The following CADPS2 variants were observed in gnomAD, a reference collection of about 807,000 sequenced individuals.
The protein encoded by CADPS2 is calcium dependent secretion activator 2.
Under a neutral mutation model 172.5 loss-of-function variants are expected in CADPS2, and 93 were observed. The ratio of observed to expected loss-of-function variants is 0.54; its 90% CI spans 0.46 to 0.64. The LOEUF (loss-of-function observed/expected upper bound fraction) is 0.64. CADPS2 is among the 30% of genes least tolerant of loss of function. The pLI, the probability that CADPS2 is intolerant of heterozygous loss-of-function variation, is 0.00. For synonymous variants in CADPS2, 546 were observed against 555.2 expected (o/e 0.98, Z 0.23); for missense variants, 1,420 against 1,565.9 (o/e 0.91, Z 1.57).
At chr7:122,364,343 A>G (rs967775688) in intron 25 of CADPS2, among the ~76,000 whole-genome samples, 2 of 150,424 alleles carry the variant, frequency 1.3e-5, no homozygotes, top group African/African-American at 2.5e-5. Context: ...CAGGAGTTCA[A>G]GGCTAAACTG....
intron 8 of CADPS2, among the ~76,000 whole-genome samples, chr7:122,546,837 T>C (rs1455945379): frequency 6.6e-6 from 1 of 152,152 alleles, no homozygotes; most frequent in Non-Finnish European, 1.5e-5. Context: ...ATTAAAACAC[T>C]GGTTCCTTGT....
At position 122,559,877 on chromosome 7, in the gene CADPS2, T is replaced by C. The variant is rs2065522892; in HGVS notation, c.1336-5188A>G. Among the ~76,000 whole-genome samples the C allele has an allele frequency of 5.3e-5, 8 of 151,370 alleles. No homozygotes were observed. In the South Asian group the frequency reaches 1.5e-3, roughly 28 times the overall value. On this transcript the variant is annotated intron_variant, in intron 7 of 29. Coordinates refer to ENST00000449022, the MANE Select transcript of CADPS2 (RefSeq NM_017954.11). ...AGGAAAAGGGACAAGACTCTATAAC[T>C]GAGACCAGTCACCAAGGAGGCAGAA... is the stretch of plus-strand genomic sequence containing the variant.
intron 25 of CADPS2, among the ~76,000 whole-genome samples, chr7:122,361,675 T>C (rs536598685): frequency 1.3e-5 from 2 of 152,348 alleles, no homozygotes; most frequent in South Asian, 4.1e-4. Context: ...TCAATGTGGA[T>C]GTTAAGAAAC....
chr7:122,766,174 A>C (rs1589074325), intron 1 of CADPS2, among the ~76,000 whole-genome samples: 1 of 152,218 alleles, frequency 6.6e-6, no homozygotes, highest in East Asian at 1.9e-4. Context: ...AGAGAAAATG[A>C]ACTCACTACT....
intron 2 of CADPS2, among the ~76,000 whole-genome samples, chr7:122,687,658 A>G (rs954021237): frequency 3.3e-5 from 5 of 152,216 alleles, no homozygotes; most frequent in African/African-American, 1.2e-4. Flanking sequence ...ATTATAGCTA[A>G]GATTATTACC....
intron 8 of CADPS2, among the ~76,000 whole-genome samples, chr7:122,515,179 G>A (rs2060265961): frequency 6.6e-6 from 1 of 152,104 alleles, no homozygotes; most frequent in South Asian, 2.1e-4. Flanking sequence ...CTTCTATTCA[G>A]CATTTATGAT....
chr7:122,559,927 A>C (rs2065527173), intron 7 of CADPS2, among the ~76,000 whole-genome samples: 1 of 152,012 alleles, frequency 6.6e-6, no homozygotes, highest in Non-Finnish European at 1.5e-5. Context: ...GTGATGTACC[A>C]AATTTAAGGG....
At chr7:122,464,830 G>A (rs1210047217) in intron 14 of CADPS2, among the ~76,000 whole-genome samples, 2 of 152,070 alleles carry the variant, frequency 1.3e-5, no homozygotes, top group Non-Finnish European at 2.9e-5. Flanking sequence ...TTGAATCTTG[G>A]AGCAGAAAAA....
At chr7:122,761,474 T>C (rs1385564566) in intron 1 of CADPS2, among the ~76,000 whole-genome samples, 2 of 152,110 alleles carry the variant, frequency 1.3e-5, no homozygotes, top group Non-Finnish European at 2.9e-5. Flanking sequence ...CCTTAACTCT[T>C]ACAAAGTGTG....
At chr7:122,789,611 T>C (rs1293489071) in intron 1 of CADPS2, among the ~76,000 whole-genome samples, 1 of 152,192 alleles carries the variant, frequency 6.6e-6, no homozygotes, top group Non-Finnish European at 1.5e-5. Flanking sequence ...AACCACAATA[T>C]GTTTTAAGAA....
Position 122,736,531 on chromosome 7 carries a change from A to G in CADPS2, c.453+424T>C, listed in dbSNP as rs146135256. ...TGGTAGTATTATTTCTTTAGGAAGC[A>G]AAGAGAATTCAATTCATCCTCTTGA... is the stretch of plus-strand genomic sequence containing the variant. On this transcript the variant is annotated intron_variant, in intron 2 of 29. Transcript: ENST00000449022. Among the ~76,000 whole-genome samples, 60 of 152,306 alleles carry G rather than the reference A, an allele frequency of 3.9e-4. No homozygotes were observed. In the East Asian group the frequency reaches 8.5e-3, roughly 22 times the overall value.
intron 3 of CADPS2, among the ~76,000 whole-genome samples, chr7:122,631,580 GT>G (rs768370703): frequency 6.6e-6 from 1 of 151,640 alleles, no homozygotes; most frequent in African/African-American, 2.4e-5. Flanking sequence ...CACCTGGTCT[GT>G]TTTTTTAAAA....
intron 7 of CADPS2, among the ~76,000 whole-genome samples, chr7:122,562,012 G>A (rs75971501): frequency 6.6e-6 from 1 of 152,116 alleles, no homozygotes; most frequent in African/African-American, 2.4e-5. Flanking sequence ...AAAAAGTCTT[G>A]ATAACTAAAT....
chr7:122,513,306 A>G lies in CADPS2; in HGVS notation c.1485T>C (p.Tyr495=). The G allele has an allele frequency of 6.4e-7, 1 of 1,558,796 alleles. No homozygotes were observed. The highest frequency in any genetic ancestry group is 8.7e-7 in the Non-Finnish European group (1 of 1,149,772). Residue 495 remains tyrosine (Y), a synonymous_variant, in exon 9 of 30, where the codon TAT becomes TAC. Transcript: ENST00000449022. The part of the protein sequence containing the change: ...PAHMKHSGYL[Y]ALGQKVWKRW... ...TTTTCCAAACCTTCTGTCCAAGGGC[A>G]TACAGATATCTGGAAAGAAAAACAA...
intron 8 of CADPS2, among the ~76,000 whole-genome samples, chr7:122,539,094 T>C (rs2062635207): frequency 6.6e-6 from 1 of 152,126 alleles, no homozygotes; most frequent in Non-Finnish European, 1.5e-5. Flanking sequence ...TATTAACCAA[T>C]ACAAAGTGGA....
chr7:122,423,497 G>T (rs927138453), intron 17 of CADPS2, among the ~76,000 whole-genome samples: 4 of 152,088 alleles, frequency 2.6e-5, no homozygotes, highest in Non-Finnish European at 5.9e-5. Flanking sequence ...TACTTTTTCA[G>T]TTCTTTAGGG....
intron 2 of CADPS2, chr7:122,698,428 A>G: frequency 6.2e-7 from 1 of 1,614,048 alleles, no homozygotes; most frequent in Non-Finnish European, 8.5e-7. Flanking sequence ...AATTAAATGG[A>G]AAATTTCCGT....
intron 1 of CADPS2, among the ~76,000 whole-genome samples, chr7:122,796,457 T>C (rs189347566): frequency 4.7e-4 from 71 of 152,168 alleles, no homozygotes; most frequent in Non-Finnish European, 1.3e-4. Flanking sequence ...CTACCCAACT[T>C]CAAACTATAC....
chr7:122,496,080 T>A (rs948110367), intron 9 of CADPS2, among the ~76,000 whole-genome samples: 1 of 152,182 alleles, frequency 6.6e-6, no homozygotes, highest in African/African-American at 2.4e-5. Flanking sequence ...TTATTGCATT[T>A]TGTTAATCCT....
Sources: allele counts gnomAD v4.1 joint callset (sites outside exome capture counted in the v4.1 genomes callset), GRCh38; gene constraint gnomAD v4.1.1; transcripts MANE v1.5; gene names NCBI Gene and HGNC (gene_info 2026-07-23, HGNC 2026-07-21).